The following WDFY4 variants were observed in gnomAD, a reference collection of about 807,000 sequenced individuals.
WDFY4 encodes the protein WD repeat- and FYVE domain-containing protein 4.
In WDFY4, 169 loss-of-function variants were observed where a neutral mutation model predicts 351.9. The observed-to-expected ratio is 0.48, with a 90% confidence interval of 0.42 to 0.55. WDFY4 has a LOEUF of 0.55. Ranked by LOEUF, WDFY4 falls within the 20% of genes least tolerant of loss-of-function variation. WDFY4 has a pLI of 0.00. For missense variants in WDFY4, 3,803 were observed against 3,935.6 expected (o/e 0.97, Z 0.90); for synonymous variants, 1,622 against 1,574.6 (o/e 1.03, Z -0.71).
At chr10:48,876,402 A>T (rs1335106610) in intron 42 of WDFY4, among the ~76,000 whole-genome samples, 1 of 152,236 alleles carries the variant, frequency 6.6e-6, no homozygotes, top group African/African-American at 2.4e-5. Flanking sequence ...GTACAAAGTA[A>T]TTAGCCTGTT....
At position 48,810,556 on chromosome 10, in the gene WDFY4, T is replaced by C; in HGVS notation, c.4865T>C (p.Leu1622Pro). 1.9e-6 allele frequency: 3 copies of C among 1,551,626 alleles called. No individual in the cohort carries two copies. The highest frequency in any genetic ancestry group is 2.6e-6 in the Non-Finnish European group (3 of 1,146,962). ...TCAAAGGAAGAGATGTTTCTGAAAC[T>C]GGGGCCTGACTGGTTCCTGCTGCTC... Reference protein sequence around the residue: ...SESKEEMFLKLGPDWFLLLLQ... With the variant: ...SESKEEMFLKPGPDWFLLLLQ... The change falls in exon 29 of 62, where the codon CTG becomes CCG. Residue 1622 changes from leucine to proline, a missense_variant. Around this residue, in one of 3 missense-constraint regions of WDFY4, gnomAD observed 3,054 missense variants for 3,148.6 expected, o/e 0.97. Transcript: ENST00000325239.
intron 43 of WDFY4, among the ~76,000 whole-genome samples, chr10:48,885,508 T>A (rs1369981092): frequency 6.6e-6 from 1 of 152,196 alleles, no homozygotes; most frequent in South Asian, 2.1e-4. Context: ...GTCTTCTCCA[T>A]GTCTGCAGAG....
At chr10:48,897,686 G>A in intron 45 of WDFY4, 112 bp downstream of exon 45, 1 of 1,457,984 alleles carries the variant, frequency 6.9e-7, no homozygotes. Context: ...TTGTGCCTAT[G>A]CACAGCCCAG....
intron 13 of WDFY4, among the ~76,000 whole-genome samples, chr10:48,769,641 T>C (rs574068027): frequency 1.3e-5 from 2 of 152,310 alleles, no homozygotes; most frequent in Non-Finnish European, 2.9e-5. Context: ...TTGGTTCATA[T>C]GCAGAAGACG....
chr10:48,777,114 T>A, intron 16 of WDFY4, 130 bp downstream of exon 16: 2 of 1,201,336 alleles, frequency 1.7e-6, no homozygotes, highest in Non-Finnish European at 2.3e-6. Flanking sequence ...AATGTCTGGG[T>A]CATGGACACC....
intron 39 of WDFY4, among the ~76,000 whole-genome samples, chr10:48,850,078 G>A (rs916492975): frequency 5.3e-5 from 8 of 152,162 alleles, no homozygotes; most frequent in African/African-American, 1.9e-4. Flanking sequence ...GATATCAGGG[G>A]ATACACGATG....
chr10:48,943,597 T>A, intron 49 of WDFY4, 148 bp downstream of exon 49: 3 of 833,018 alleles, frequency 3.6e-6, no homozygotes, highest in South Asian at 2.2e-5. Context: ...AGCTCAGATC[T>A]CTTTTTTTTT....
Position 48,810,522 on chromosome 10 carries a change from A to T in WDFY4, c.4839-8A>T. On this transcript the variant is annotated splice_polypyrimidine_tract_variant and splice_region_variant and intron_variant, in intron 28 of 61. Coordinates refer to ENST00000325239, the MANE Select transcript of WDFY4 (RefSeq NM_001394531.1). ...GAGAGAACATTGGTTGCATTTATTA[A>T]TCCCCAGGTCAAAGGAAGAGATGTT... 6.5e-7 allele frequency: 1 copy of T among 1,548,196 alleles called. No individual in the cohort carries two copies. Among genetic ancestry groups the T allele is most frequent in the Non-Finnish European group, 8.7e-7 (1 of 1,145,848 alleles).
chr10:48,909,229 A>G (rs115212637), intron 47 of WDFY4, among the ~76,000 whole-genome samples: 2,497 of 152,316 alleles, frequency 0.016, 74 homozygotes, highest in African/African-American at 0.055. Context: ...GATTGTTTAC[A>G]TTTATTACAA....
At chr10:48,893,932 A>G (rs2663054) in intron 44 of WDFY4, among the ~76,000 whole-genome samples, 65,280 of 152,066 alleles carry the variant, frequency 0.43, 15,753 homozygotes, top group Non-Finnish European at 0.55. Context: ...AACTATGGTA[A>G]TGGCTCTACC....
chr10:48,934,989 C>T (rs146706876), intron 47 of WDFY4, among the ~76,000 whole-genome samples: 19 of 152,320 alleles, frequency 1.2e-4, no homozygotes, highest in African/African-American at 4.3e-4. Flanking sequence ...AGGCAAGCTT[C>T]CTCCTCTCCT....
intron 47 of WDFY4, among the ~76,000 whole-genome samples, chr10:48,940,465 C>T (rs749399812): frequency 8.5e-5 from 13 of 152,130 alleles, no homozygotes; most frequent in Admixed American, 3.9e-4. Flanking sequence ...GAAGATGTGA[C>T]GGTGGGGCTA....
intron 12 of WDFY4, among the ~76,000 whole-genome samples, chr10:48,756,401 GTTT>G (rs56286442): frequency 2.0e-4 from 30 of 150,686 alleles, no homozygotes; most frequent in Non-Finnish European, 4.1e-4. Flanking sequence ...AGTTCTAGAA[GTTT>G]TTTTTTTTAT....
intron 23 of WDFY4, among the ~76,000 whole-genome samples, chr10:48,795,502 T>TATATATATATATATAC (rs2066830348): frequency 9.4e-6 from 1 of 106,594 alleles, no homozygotes; most frequent in Non-Finnish European, 1.8e-5. Context: ...TATATATATA[T>TATATATATATATATAC]ATATATATAT....
intron 40 of WDFY4, among the ~76,000 whole-genome samples, 183 bp from the exon 41 acceptor site, chr10:48,873,308 G>A (rs1266397942): frequency 6.6e-6 from 1 of 152,206 alleles, no homozygotes; most frequent in Non-Finnish European, 1.5e-5. Flanking sequence ...TTAAAGCTGA[G>A]CAACTGTTTC....
rs141103535 is a variant in WDFY4, at chr10:48,754,161, T to C, written c.2460-6186T>C. ...CTTTTAATATGCTGTTGAATTTAGT[T>C]TGCTAGCATTTTGTTTAGGATTTTG... is the stretch of plus-strand genomic sequence containing the variant. On this transcript the variant is annotated intron_variant, in intron 12 of 61. Transcript: ENST00000325239. Among the ~76,000 whole-genome samples, 11 of 152,298 alleles carry C rather than the reference T, an allele frequency of 7.2e-5. No homozygotes were observed. The South Asian group carries it at 2.3e-3, about 32-fold the overall frequency.
intron 58 of WDFY4, among the ~76,000 whole-genome samples, chr10:48,975,975 G>A (rs1379069692): frequency 6.6e-6 from 1 of 152,206 alleles, no homozygotes; most frequent in East Asian, 1.9e-4. Flanking sequence ...AAACCCATCA[G>A]GAATTGTGTC....
At chr10:48,700,785 C>A (rs1032545596) in intron 1 of WDFY4, among the ~76,000 whole-genome samples, 1 of 152,208 alleles carries the variant, frequency 6.6e-6, no homozygotes, top group Admixed American at 6.5e-5. Context: ...GCGGAGCTAG[C>A]ACTCAATAGA....
At chr10:48,709,633 G>C in intron 1 of WDFY4, 83 bp from the exon 2 acceptor site, 1 of 1,216,830 alleles carries the variant, frequency 8.2e-7, no homozygotes, top group Non-Finnish European at 1.2e-6. Context: ...ACTGGGCTGA[G>C]TGAGTACAGT....
Sources: allele counts gnomAD v4.1 joint callset (sites outside exome capture counted in the v4.1 genomes callset), GRCh38; gene constraint gnomAD v4.1.1; regional missense constraint gnomAD v4.1.1; transcripts MANE v1.5; gene names NCBI Gene and HGNC (gene_info 2026-07-23, HGNC 2026-07-21).